Variants in EPHB1 observed in about 807,000 individuals in gnomAD.
EPHB1 encodes the protein ephrin type-B receptor 1.
A neutral mutation model predicts 94.4 loss-of-function variants in EPHB1; 30 were observed. The ratio of observed to expected loss-of-function variants is 0.32; its 90% CI spans 0.24 to 0.43. The LOEUF is 0.43. EPHB1 is among the 20% of genes least tolerant of loss of function. EPHB1 has a pLI of 1.00. For synonymous variants in EPHB1, 522 were observed against 489.1 expected (o/e 1.07, Z -0.89); for missense variants, 1,055 against 1,308.3 (o/e 0.81, Z 2.99).
At chr3:134,852,616 C>G (rs150106762) in intron 1 of EPHB1, 3 of 152,056 alleles carry the variant, frequency 2.0e-5, no homozygotes, top group Non-Finnish European at 2.9e-5. Flanking sequence ...AAGTCACATT[C>G]CTCTGACACT....
intron 3 of EPHB1, among the ~76,000 whole-genome samples, chr3:135,097,362 C>T (rs2107794665): frequency 6.6e-6 from 1 of 152,108 alleles, no homozygotes; most frequent in Middle Eastern, 3.4e-3. Flanking sequence ...GAAACCGATG[C>T]CTAGCACAGC....
At chr3:135,031,074 G>A (rs1038115750) in intron 3 of EPHB1, among the ~76,000 whole-genome samples, 2 of 152,168 alleles carry the variant, frequency 1.3e-5, no homozygotes, top group Admixed American at 1.3e-4. Flanking sequence ...GTCTCGCCCT[G>A]CTTTGGCTCG....
intron 6 of EPHB1, among the ~76,000 whole-genome samples, chr3:135,158,782 G>A (rs1941427662): frequency 1.3e-5 from 2 of 152,202 alleles, no homozygotes; most frequent in African/African-American, 2.4e-5. Context: ...GTCAGCGCTT[G>A]TAGACAAACC....
At chr3:134,874,041 T>C (rs2037560332) in intron 1 of EPHB1, among the ~76,000 whole-genome samples, 1 of 152,140 alleles carries the variant, frequency 6.6e-6, no homozygotes, top group South Asian at 2.1e-4. Context: ...AACTTAAACA[T>C]CAGCAGAGCT....
intron 3 of EPHB1, among the ~76,000 whole-genome samples, chr3:135,049,280 A>T (rs1486443579): frequency 6.6e-6 from 1 of 152,210 alleles, no homozygotes; most frequent in Non-Finnish European, 1.5e-5. Context: ...GCTAAAAACA[A>T]CGTTAATCAT....
intron 1 of EPHB1, among the ~76,000 whole-genome samples, chr3:134,812,895 A>G (rs905825892): frequency 1.3e-5 from 2 of 152,158 alleles, no homozygotes; most frequent in Non-Finnish European, 2.9e-5. Flanking sequence ...ATATTCTCCG[A>G]TGAAATGGAT....
chr3:135,019,734 T>C (rs1935926588), intron 3 of EPHB1, among the ~76,000 whole-genome samples: 2 of 152,258 alleles, frequency 1.3e-5, no homozygotes, highest in Admixed American at 6.5e-5. Flanking sequence ...AATGCCTTCA[T>C]AATATTCAAT....
intron 1 of EPHB1, among the ~76,000 whole-genome samples, chr3:134,912,157 A>T (rs2038468378): frequency 1.3e-5 from 2 of 152,250 alleles, no homozygotes; most frequent in South Asian, 2.1e-4. Flanking sequence ...AGGGTGATTG[A>T]TGCCCCCTGG....
intron 5 of EPHB1, among the ~76,000 whole-genome samples, chr3:135,146,418 A>G (rs1941012700): frequency 6.6e-6 from 1 of 152,210 alleles, no homozygotes; most frequent in African/African-American, 2.4e-5. Flanking sequence ...GCACAATGAG[A>G]TACAGGTGAC....
At chr3:135,039,619 G>A (rs1042778913) in intron 3 of EPHB1, among the ~76,000 whole-genome samples, 21 of 152,364 alleles carry the variant, frequency 1.4e-4, no homozygotes, top group South Asian at 4.1e-4. Context: ...CACAGCGCCA[G>A]TGGGCCGGCA....
intron 5 of EPHB1, among the ~76,000 whole-genome samples, chr3:135,150,647 T>G (rs780661156): frequency 2.0e-5 from 3 of 152,236 alleles, no homozygotes; most frequent in Non-Finnish European, 4.4e-5. Context: ...GTTTTTCTTC[T>G]GCTTCATTGG....
At chr3:134,995,437 A>G (rs1934957910) in intron 3 of EPHB1, among the ~76,000 whole-genome samples, 1 of 152,208 alleles carries the variant, frequency 6.6e-6, no homozygotes, top group African/African-American at 2.4e-5. Flanking sequence ...GCAATTAAGA[A>G]TGAAGCTGCT....
chr3:134,848,088 A>G (rs2036911503), intron 1 of EPHB1, among the ~76,000 whole-genome samples: 2 of 152,190 alleles, frequency 1.3e-5, no homozygotes, highest in Admixed American at 1.3e-4. Flanking sequence ...GCCCACATTC[A>G]TAGTGGAGAC....
intron 1 of EPHB1, among the ~76,000 whole-genome samples, chr3:134,846,078 T>C (rs2036866682): frequency 6.6e-6 from 1 of 152,186 alleles, no homozygotes; most frequent in Non-Finnish European, 1.5e-5. Context: ...GGGAGTTGCA[T>C]CTCCTCTGAT....
intron 1 of EPHB1, among the ~76,000 whole-genome samples, chr3:134,875,640 C>T (rs1405373707): frequency 6.6e-6 from 1 of 152,190 alleles, no homozygotes; most frequent in African/African-American, 2.4e-5. Context: ...TAATAACTAC[C>T]TCTCAAGGTG....
At chr3:135,090,417 G>A (rs1445992962) in intron 3 of EPHB1, among the ~76,000 whole-genome samples, 1 of 152,216 alleles carries the variant, frequency 6.6e-6, no homozygotes, top group Admixed American at 6.5e-5. Context: ...ATTCTGCCTT[G>A]TCATAGTAAC....
At chr3:135,164,868 T>C (rs2107699289) in intron 7 of EPHB1, among the ~76,000 whole-genome samples, 1 of 146,726 alleles carries the variant, frequency 6.8e-6, no homozygotes, top group East Asian at 2.0e-4. Context: ...AAAAATAAGA[T>C]GAACAGTTAA....
chr3:134,898,511 A>G (rs1273349686), intron 1 of EPHB1, among the ~76,000 whole-genome samples: 1 of 151,954 alleles, frequency 6.6e-6, no homozygotes, highest in Non-Finnish European at 1.5e-5. Flanking sequence ...TGGCAGGCCA[A>G]CCCCCATGCT....
intron 3 of EPHB1, among the ~76,000 whole-genome samples, chr3:135,103,206 A>G (rs188410473): frequency 5.4e-4 from 82 of 152,354 alleles, no homozygotes; most frequent in Middle Eastern, 6.8e-3. Flanking sequence ...TATATAAATT[A>G]AGGCATGCCT....
Sources: gnomAD v4.1 joint callset for allele counts (sites outside exome capture counted in the v4.1 genomes callset) on GRCh38, gnomAD v4.1.1 for gene constraint, MANE v1.5 for transcripts, NCBI Gene and HGNC (gene_info 2026-07-23, HGNC 2026-07-21) for gene names.